The following DPYSL2 variants were observed in gnomAD, a reference collection of about 807,000 sequenced individuals.
DPYSL2 encodes dihydropyrimidinase like 2.
DPYSL2 carries 13 observed loss-of-function variants against 69.9 expected under a neutral mutation model. The observed-to-expected ratio is 0.19, with a 90% CI of 0.12 to 0.30. The LOEUF is 0.30. Among genes scored for constraint, DPYSL2 ranks in the 10% least tolerant of loss-of-function variants. DPYSL2 has a pLI of 1.00. For synonymous variants in DPYSL2, 326 were observed against 359.1 expected (o/e 0.91, Z 1.04); for missense variants, 587 against 918.9 (o/e 0.64, Z 4.67).
intron 1 of DPYSL2, among the ~76,000 whole-genome samples, chr8:26,543,498 T>A (rs1800716935): frequency 6.6e-6 from 1 of 152,050 alleles, no homozygotes; most frequent in Non-Finnish European, 1.5e-5. Context: ...TTGGTTTTTT[T>A]TTTTTTGAGA....
chr8:26,535,073 C>A (rs980567663), intron 1 of DPYSL2, among the ~76,000 whole-genome samples: 1 of 152,190 alleles, frequency 6.6e-6, no homozygotes, highest in African/African-American at 2.4e-5. Context: ...GTGGCTTAAA[C>A]AACAAATATT....
Position 26,619,332 on chromosome 8 carries a change from G to A in DPYSL2, c.629-4811G>A, listed in dbSNP as rs193279688. Among the ~76,000 whole-genome samples the A allele has an allele frequency of 6.6e-4, 101 of 152,334 alleles. No homozygotes were observed. The highest frequency in any genetic ancestry group is 1.3e-3 in the Admixed American group (20 of 15,306). On this transcript the variant is annotated intron_variant, in intron 3 of 13. Coordinates refer to ENST00000521913, the MANE Select transcript of DPYSL2 (RefSeq NM_001197293.3). The surrounding 1 kb of genome is among the most constrained non-coding windows in gnomAD (Gnocchi z 4.8). ...GGAGGCATTTCATGGACACGTTTCT[G>A]AGTGTTATGAGCTCTTGAAGGAAGC...
intron 2 of DPYSL2, among the ~76,000 whole-genome samples, chr8:26,583,268 A>G (rs1279103640): frequency 4.6e-5 from 7 of 151,550 alleles, no homozygotes; most frequent in Non-Finnish European, 1.0e-4. Flanking sequence ...TAGCTTTTTC[A>G]TTATCTGAAT....
Position 26,585,342 on chromosome 8 carries a change from C to T in DPYSL2, c.628+1359C>T, listed in dbSNP as rs1443266618. Among the ~76,000 whole-genome samples the T allele has an allele frequency of 6.6e-6, 1 of 152,064 alleles. No individual in the cohort carries two copies. Among genetic ancestry groups the T allele is most frequent in the Admixed American group, 6.6e-5 (1 of 15,264 alleles). On this transcript the variant is annotated intron_variant, in intron 3 of 13. Coordinates refer to ENST00000521913, the MANE Select transcript of DPYSL2 (RefSeq NM_001197293.3). This position sits in a 1 kb window ranked among gnomAD's most constrained non-coding sequence, Gnocchi z 4.0. ...GCTAGAGGAATGTTGCCCTGCCATC[C>T]CCTCCTAGTCTGAGTTGCCCCGCAT...
chr8:26,606,603 G>A (rs1055669619), intron 3 of DPYSL2, among the ~76,000 whole-genome samples: 13 of 151,974 alleles, frequency 8.6e-5, no homozygotes, highest in Non-Finnish European at 1.5e-4. Flanking sequence ...TTCACAAAAA[G>A]GAAATAATTC....
chr8:26,577,754 C>G, intron 1 of DPYSL2: 1 of 962,416 alleles, frequency 1.0e-6, no homozygotes, highest in Non-Finnish European at 1.2e-6. Flanking sequence ...GCGCCGCCTG[C>G]CGCCCCCGGC....
intron 4 of DPYSL2, among the ~76,000 whole-genome samples, chr8:26,625,990 T>G (rs1802603666): frequency 6.6e-6 from 1 of 152,206 alleles, no homozygotes; most frequent in African/African-American, 2.4e-5. Context: ...ACACTAACTC[T>G]CCACTGTCCT....
chr8:26,651,005 T>C (rs1420263821), intron 11 of DPYSL2, among the ~76,000 whole-genome samples: 2 of 152,216 alleles, frequency 1.3e-5, no homozygotes, highest in Non-Finnish European at 2.9e-5. Flanking sequence ...CCCGCGTGGC[T>C]CCGGCTGCTA....
Position 26,626,730 on chromosome 8 carries a change from G to T in DPYSL2, c.855+52G>T. ...GCACCCTGACATTTGGTACCTTCAG[G>T]CTGTGGCCGTTTGGGAAAGCAGTCT... On this transcript the variant is annotated intron_variant, in intron 5 of 13. Transcript: ENST00000521913. The surrounding 1 kb of genome is among the most constrained non-coding windows in gnomAD (Gnocchi z 4.3). 1 of 1,586,502 alleles carries T rather than the reference G, an allele frequency of 6.3e-7. No individual in the cohort carries two copies. The highest frequency in any genetic ancestry group is 8.6e-7 in the Non-Finnish European group (1 of 1,156,986).
In DPYSL2 at chr8:26,643,110, C is replaced by T. The variant is rs1019372049; in HGVS notation, c.1127-329C>T. 5.4e-5 allele frequency: 14 copies of T among 259,624 alleles called. No individual in the cohort carries two copies. Among genetic ancestry groups the T allele is most frequent in the Non-Finnish European group, 7.3e-5 (10 of 137,656 alleles). The allele number at this position is 259,624 out of a possible 1,614,324, so 16.1% of individuals were successfully genotyped here. On this transcript the variant is annotated intron_variant, in intron 8 of 13. Coordinates refer to ENST00000521913, the MANE Select transcript of DPYSL2 (RefSeq NM_001197293.3). This position sits in a 1 kb window ranked among gnomAD's most constrained non-coding sequence, Gnocchi z 6.5. ...CCAGATGGCACCTGGGACCGGATGC[C>T]TGGACACCATCCGAGCAGGAGATTA... is the stretch of plus-strand genomic sequence containing the variant.
chr8:26,627,299 C>T lies in DPYSL2; in HGVS notation c.936+4C>T, dbSNP rs753765158. The T allele has an allele frequency of 6.2e-7, 1 of 1,614,070 alleles. No homozygotes were observed. ...AAATGGCGACATCATTGCAGAGGTA[C>T]AGGGCTTTCTTTTTCGTCATTTCTT... is the stretch of plus-strand genomic sequence containing the variant. On this transcript the variant is annotated splice_donor_region_variant and intron_variant, in intron 6 of 13. Coordinates refer to ENST00000521913, the MANE Select transcript of DPYSL2 (RefSeq NM_001197293.3). The surrounding 1 kb of genome is among the most constrained non-coding windows in gnomAD (Gnocchi z 6.9).
chr8:26,641,672 T>C lies in DPYSL2; in HGVS notation c.1127-1767T>C, dbSNP rs966798509. 6.6e-6 allele frequency among the ~76,000 whole-genome samples: 1 copy of C among 152,214 alleles called. No individual in the cohort carries two copies. Among genetic ancestry groups the C allele is most frequent in the African/African-American group, 2.4e-5 (1 of 41,462 alleles). ...AGGCCAGGAGCCAAGGGGACCCTCCTAGGCCTTCCGAGCACCTAGCACTGG... is the reference window on the plus strand; with the variant it reads ...AGGCCAGGAGCCAAGGGGACCCTCCCAGGCCTTCCGAGCACCTAGCACTGG... On this transcript the variant is annotated intron_variant, in intron 8 of 13. Transcript: ENST00000521913. This position sits in a 1 kb window ranked among gnomAD's most constrained non-coding sequence, Gnocchi z 4.1.
rs1802440167 is a variant in DPYSL2, at chr8:26,619,803, G to A, written c.629-4340G>A. 6.6e-6 allele frequency: 1 copy of A among 152,278 alleles called. No individual in the cohort carries two copies. Among genetic ancestry groups the A allele is most frequent in the South Asian group, 2.1e-4 (1 of 4,816 alleles). 9.4% of individuals were successfully genotyped at this position (152,278 alleles called of 1,614,324 possible). A position where few individuals can be genotyped will look rare whatever the true frequency, so the allele number is the denominator to read the frequency against. The stretch of plus-strand genomic sequence containing the variant: ...ACTCCTGGGCTCTAGTGTTCCTCTT[G>A]CTTCAGCCTTCCAAAGTGCTGGGAT... On this transcript the variant is annotated intron_variant, in intron 3 of 13. Transcript: ENST00000521913. The surrounding 1 kb of genome is among the most constrained non-coding windows in gnomAD (Gnocchi z 4.8).
intron 1 of DPYSL2, among the ~76,000 whole-genome samples, chr8:26,552,070 T>C (rs559030406): frequency 1.3e-5 from 2 of 152,200 alleles, no homozygotes; most frequent in South Asian, 2.1e-4. Context: ...TGTCTCAGCC[T>C]CCCAAAACAT....
intron 7 of DPYSL2, among the ~76,000 whole-genome samples, chr8:26,629,112 C>G (rs1442173618): frequency 6.6e-6 from 1 of 152,180 alleles, no homozygotes; most frequent in Non-Finnish European, 1.5e-5. Context: ...ACTCGGAATG[C>G]TTTGCACACA....
chr8:26,561,421 T>C (rs1359081813), intron 1 of DPYSL2, among the ~76,000 whole-genome samples: 1 of 152,212 alleles, frequency 6.6e-6, no homozygotes, highest in Non-Finnish European at 1.5e-5. Context: ...ATTCACATCT[T>C]AAGCCCCAAC....
At chr8:26,527,924 T>A (rs1808508495) in intron 1 of DPYSL2, among the ~76,000 whole-genome samples, 1 of 150,878 alleles carries the variant, frequency 6.6e-6, no homozygotes, top group Non-Finnish European at 1.5e-5. Context: ...TGCCTCAGAC[T>A]CCTGAGTAGC....
At position 26,539,798 on chromosome 8, in the gene DPYSL2, C is replaced by A. The variant is rs566761722; in HGVS notation, c.354+25119C>A. Among the ~76,000 whole-genome samples the A allele has an allele frequency of 3.9e-5, 6 of 152,260 alleles. No homozygotes were observed. The South Asian group carries it at 1.2e-3, about 32-fold the overall frequency. On this transcript the variant is annotated intron_variant, in intron 1 of 13. Coordinates refer to ENST00000521913, the MANE Select transcript of DPYSL2 (RefSeq NM_001197293.3). ...AACTATTGCTACCTTCCCCGCCCTGCCAGAGTAGGATCGCTACACTCCACC... is the reference window on the plus strand; with the variant it reads ...AACTATTGCTACCTTCCCCGCCCTGACAGAGTAGGATCGCTACACTCCACC...
chr8:26,614,517 G>GT lies in DPYSL2; in HGVS notation c.629-9623dup, dbSNP rs1802304860. Among the ~76,000 whole-genome samples, 1 of 152,160 alleles carries GT rather than the reference G, an allele frequency of 6.6e-6. No homozygotes were observed. The highest frequency in any genetic ancestry group is 2.1e-4 in the South Asian group (1 of 4,816). ...GGATTGTTGGCATTTTAAGGGCACA[G>GT]TTTGTATCTTCTACCTCTTTGTTTC... On this transcript the variant is annotated intron_variant, in intron 3 of 13. Coordinates refer to ENST00000521913, the MANE Select transcript of DPYSL2 (RefSeq NM_001197293.3). The surrounding 1 kb of genome is among the most constrained non-coding windows in gnomAD (Gnocchi z 4.9).
Sources: allele counts gnomAD v4.1 joint callset (sites outside exome capture counted in the v4.1 genomes callset), GRCh38; gene constraint gnomAD v4.1.1; non-coding constraint Gnocchi (gnomAD v3.1); transcripts MANE v1.5; gene names NCBI Gene and HGNC (gene_info 2026-07-23, HGNC 2026-07-21).